The following KPNA3 variants were observed in gnomAD, a reference collection of about 807,000 sequenced individuals.
The protein encoded by KPNA3 is importin subunit alpha-4.
Under a neutral mutation model 73.8 loss-of-function variants are expected in KPNA3, and 13 were observed. The ratio of observed to expected loss-of-function variants is 0.18; its 90% CI spans 0.11 to 0.28. The LOEUF is 0.28. KPNA3 is among the 10% of genes least tolerant of loss of function. KPNA3 has a pLI of 1.00. For synonymous variants in KPNA3, 186 were observed against 206.9 expected, an observed-to-expected ratio of 0.90 and a Z score of 0.87; for missense variants, 360 against 618.1, an observed-to-expected ratio of 0.58 and a Z score of 4.43.
At chr13:49,726,200 C>T (rs1397613063) in intron 6 of KPNA3, among the ~76,000 whole-genome samples, 4 of 152,160 alleles carry the variant, frequency 2.6e-5, no homozygotes, top group Non-Finnish European at 4.4e-5. Context: ...ACGCTCTAGG[C>T]TGGTCTTAAA....
rs71078888 is a variant in KPNA3 at position 49,753,026 on chromosome 13, C to CAAAAAAAAAAAAAA, written c.70-6047_70-6034dup. Among the ~76,000 whole-genome samples, 8 of 82,212 alleles carry CAAAAAAAAAAAAAA rather than the reference C, an allele frequency of 9.7e-5. 1 individual carries two copies. Among genetic ancestry groups the CAAAAAAAAAAAAAA allele is most frequent in the Admixed American group, 2.8e-4 (2 of 7,168 alleles). The allele number at this position is 82,212 out of a possible 152,430, so 53.9% of individuals were successfully genotyped here. A position where few individuals can be genotyped will look rare whatever the true frequency, so the allele number is the denominator to read the frequency against. On this transcript the variant is annotated intron_variant, in intron 1 of 16. Coordinates refer to ENST00000261667, the MANE Select transcript of KPNA3 (RefSeq NM_002267.4). ...TGGGTGACAGAGCGAGACTCTGTCTCAAAAAAAAAAAAAAAAAAAAAAAAA... is the reference window on the plus strand; with the variant it reads ...TGGGTGACAGAGCGAGACTCTGTCTCAAAAAAAAAAAAAAAAAAAAAAAAAAAAAAAAAAAAAAA...
At chr13:49,753,675 C>T (rs992931488) in intron 1 of KPNA3, among the ~76,000 whole-genome samples, 7 of 152,212 alleles carry the variant, frequency 4.6e-5, no homozygotes, top group African/African-American at 1.7e-4. Context: ...ATTATGGCCT[C>T]AGCTCCATTT....
intron 1 of KPNA3, among the ~76,000 whole-genome samples, chr13:49,791,337 C>T (rs1276028726): frequency 6.6e-6 from 1 of 152,196 alleles, no homozygotes; most frequent in Admixed American, 6.5e-5. Flanking sequence ...AAACCATTTT[C>T]CCCCTAACAA....
At chr13:49,747,120 T>C in intron 1 of KPNA3, 127 bp from the exon 2 acceptor site, 1 of 569,456 alleles carries the variant, frequency 1.8e-6, no homozygotes, top group South Asian at 2.3e-5. Flanking sequence ...GGCGGGCAGA[T>C]CACTTGAGGT....
intron 1 of KPNA3, among the ~76,000 whole-genome samples, chr13:49,760,922 G>A (rs778296204): frequency 1.3e-5 from 2 of 152,068 alleles, no homozygotes; most frequent in Non-Finnish European, 2.9e-5. Flanking sequence ...TATGGTCTTC[G>A]GATTCCAGGA....
chr13:49,779,412 CT>C (rs1206750007), intron 1 of KPNA3, among the ~76,000 whole-genome samples: 1 of 152,172 alleles, frequency 6.6e-6, no homozygotes, highest in South Asian at 2.1e-4. Context: ...TTCCCTACCC[CT>C]AATGCAGCCC....
At chr13:49,734,039 T>C (rs955397829) in intron 2 of KPNA3, among the ~76,000 whole-genome samples, 4 of 152,244 alleles carry the variant, frequency 2.6e-5, no homozygotes, top group African/African-American at 9.6e-5. Flanking sequence ...TGGTGTATTA[T>C]GAAGCAAAAA....
intron 1 of KPNA3, among the ~76,000 whole-genome samples, chr13:49,759,823 C>CG (rs1954743484): frequency 6.6e-6 from 1 of 152,138 alleles, no homozygotes. Flanking sequence ...TAATGGGCCA[C>CG]GGACTGGTAG....
At chr13:49,766,573 G>C (rs923501253) in intron 1 of KPNA3, among the ~76,000 whole-genome samples, 8 of 152,114 alleles carry the variant, frequency 5.3e-5, no homozygotes, top group African/African-American at 1.9e-4. Flanking sequence ...AAATAACTTA[G>C]AATCTAAATA....
intron 10 of KPNA3, among the ~76,000 whole-genome samples, chr13:49,717,431 G>GAAA (rs367721289): frequency 2.4e-4 from 15 of 62,654 alleles, no homozygotes; most frequent in African/African-American, 3.0e-4. Flanking sequence ...CTCCATCTCG[G>GAAA]AAAAAAAAGA....
chr13:49,788,283 G>T (rs959080473), intron 1 of KPNA3, among the ~76,000 whole-genome samples: 2 of 152,164 alleles, frequency 1.3e-5, no homozygotes, highest in African/African-American at 4.8e-5. Flanking sequence ...AGTTGACCTG[G>T]ATTGCAGTTA....
At chr13:49,766,830 T>C (rs145677327) in intron 1 of KPNA3, among the ~76,000 whole-genome samples, 43 of 152,236 alleles carry the variant, frequency 2.8e-4, no homozygotes, top group African/African-American at 1.0e-3. Context: ...AAAAAGCCTA[T>C]TCCTACTCCA....
At chr13:49,746,815 T>A (rs929856707) in intron 2 of KPNA3, 134 bp downstream of exon 2, 4 of 642,484 alleles carry the variant, frequency 6.2e-6, no homozygotes, top group Non-Finnish European at 1.1e-5. Context: ...ATAAGTACCA[T>A]GATAAAGTAT....
Position 49,792,559 on chromosome 13 carries a change from G to A in KPNA3, c.-53C>T. 1.7e-6 allele frequency: 2 copies of A among 1,208,108 alleles called. No homozygotes were observed. Among genetic ancestry groups the A allele is most frequent in the Non-Finnish European group, 2.4e-6 (2 of 849,212 alleles). 74.8% of individuals were successfully genotyped at this position (1,208,108 alleles called of 1,614,324 possible). A position where few individuals can be genotyped will look rare whatever the true frequency, so the allele number is the denominator to read the frequency against. ...CTCCTGCGGCTGCGGCGGCGGCGGC[G>A]GCGAATCTTGGAGCGGGAGGGGGAG... is the stretch of plus-strand genomic sequence containing the variant. On this transcript the variant is annotated 5_prime_UTR_variant, in exon 1 of 17. Transcript: ENST00000261667.
chr13:49,792,568 TGGAGCG>T lies in KPNA3; in HGVS notation c.-68_-63del. ...CTGCGGCGGCGGCGGCGGCGAATCT[TGGAGCG>T]GGAGGGGGAGGAGGGGGAGAGCGGG... On this transcript the variant is annotated 5_prime_UTR_variant, in exon 1 of 17. Coordinates refer to ENST00000261667, the MANE Select transcript of KPNA3 (RefSeq NM_002267.4). 1 of 456,474 alleles carries T rather than the reference TGGAGCG, an allele frequency of 2.2e-6. No individual in the cohort carries two copies. Among genetic ancestry groups the T allele is most frequent in the Non-Finnish European group, 3.6e-6 (1 of 281,436 alleles). The allele number at this position is 456,474 out of a possible 1,614,324, so 28.3% of individuals were successfully genotyped here. A position where few individuals can be genotyped will look rare whatever the true frequency, so the allele number is the denominator to read the frequency against.
intron 1 of KPNA3, among the ~76,000 whole-genome samples, chr13:49,786,300 ACT>A (rs1287349968): frequency 6.6e-6 from 1 of 152,176 alleles, no homozygotes; most frequent in Non-Finnish European, 1.5e-5. Flanking sequence ...ATCTATTCTC[ACT>A]GAGCTTCTCA....
At chr13:49,719,623 T>C in intron 10 of KPNA3, 152 bp downstream of exon 10, 1 of 657,186 alleles carries the variant, frequency 1.5e-6, no homozygotes, top group Non-Finnish European at 2.6e-6. Context: ...ATTTAAGCTA[T>C]AAACCTAATT....
Position 49,732,920 on chromosome 13 carries a change from A to C in KPNA3, c.204+37T>G, listed in dbSNP as rs770453271. On this transcript the variant is annotated intron_variant, in intron 3 of 16. Transcript: ENST00000261667. ...TGAAGTTCTCACAGTTACTATAAAA[A>C]TTATTTTAAAATCACTATTAAAACA... 5.5e-6 allele frequency: 8 copies of C among 1,459,462 alleles called. No individual in the cohort carries two copies. The East Asian group carries it at 1.8e-4, about 33-fold the overall frequency. The allele number at this position is 1,459,462 out of a possible 1,614,324, so 90.4% of individuals were successfully genotyped here.
At position 49,700,860 on chromosome 13, in the gene KPNA3, T is replaced by A. The variant is rs922136377; in HGVS notation, c.*940A>T. 42 of 152,586 alleles carry A rather than the reference T, an allele frequency of 2.8e-4. No individual in the cohort carries two copies. Among genetic ancestry groups the A allele is most frequent in the African/African-American group, 7.5e-4 (31 of 41,598 alleles). 9.5% of individuals were successfully genotyped at this position (152,586 alleles called of 1,614,324 possible). A position where few individuals can be genotyped will look rare whatever the true frequency, so the allele number is the denominator to read the frequency against. On this transcript the variant is annotated 3_prime_UTR_variant, in exon 17 of 17. Coordinates refer to ENST00000261667, the MANE Select transcript of KPNA3 (RefSeq NM_002267.4). ...CTGAAAGCTGAAAGCAAGATTTTTT[T>A]AAAAAACATCACCAATGGGTATTTT...
Sources: gnomAD v4.1 joint callset for allele counts (sites outside exome capture counted in the v4.1 genomes callset) on GRCh38, gnomAD v4.1.1 for gene constraint, MANE v1.5 for transcripts, NCBI Gene and HGNC (gene_info 2026-07-23, HGNC 2026-07-21) for gene names.